PFKL: variants seen among roughly 807,000 people sequenced by gnomAD.
PFKL encodes ATP-dependent 6-phosphofructokinase, liver type.
A neutral mutation model predicts 92.1 loss-of-function variants in PFKL; 74 were observed. The observed-to-expected ratio is 0.80, with a 90% CI of 0.67 to 0.97. The LOEUF is 0.97. Ranked by LOEUF, PFKL falls within the 50% of genes least tolerant of loss-of-function variation. PFKL has a pLI of 0.00. For synonymous variants in PFKL, 494 were observed against 456.4 expected, an observed-to-expected ratio of 1.08 and a Z score of -1.05; for missense variants, 1,028 against 1,116.6, an observed-to-expected ratio of 0.92 and a Z score of 1.13.
intron 11 of PFKL, 28 bp from the exon 12 acceptor site, chr21:44,320,056 T>C (rs1470354866): frequency 1.2e-6 from 2 of 1,607,602 alleles, no homozygotes; most frequent in Admixed American, 3.3e-5. Flanking sequence ...TGCAGGGCTG[T>C]GCATGGTGTG....
chr21:44,324,630 A>G lies in PFKL; in HGVS notation c.1790A>G (p.Asp597Gly). 1 of 1,602,408 alleles carries G rather than the reference A, an allele frequency of 6.2e-7. No homozygotes were observed. Among genetic ancestry groups the G allele is most frequent in the Non-Finnish European group, 8.5e-7 (1 of 1,173,776 alleles). ...VGADAAYVFE[D>G]PFNIHDLKVN... is the part of the protein sequence containing the mutation. ...GCCGACGCCGCCTACGTCTTCGAGG[A>G]CCCTTTCAACATCCACGACTTAAAG... is the stretch of plus-strand genomic sequence containing the variant. The change falls in exon 17 of 22, where the codon GAC becomes GGC. Residue 597 changes from aspartate (D) to glycine (G), a missense_variant. By Grantham distance (94) the Asp-to-Gly change is moderately conservative. Transcript: ENST00000349048.
chr21:44,321,935 A>G (rs2146009750), intron 13 of PFKL, 60 bp downstream of exon 13: 1 of 1,508,890 alleles, frequency 6.6e-7, no homozygotes. Flanking sequence ...CACTTGGGGC[A>G]TTTCCTGTGG....
chr21:44,306,860 C>T (rs73231246), intron 2 of PFKL, 106 bp downstream of exon 2: 79,690 of 970,680 alleles, frequency 0.082, 3,491 homozygotes, highest in African/African-American at 0.12. Context: ...TGGTCCTGGC[C>T]TGGAGGAGCT....
rs1488093112 is a variant in PFKL at position 44,324,557 on chromosome 21, G to A, written c.1717G>A (p.Gly573Arg). Residue 573 changes from glycine (G) to arginine (R), a missense_variant, in exon 17 of 22, where the codon GGG (glycine) becomes AGG (arginine). Coordinates refer to ENST00000349048, the MANE Select transcript of PFKL (RefSeq NM_002626.6). ...CCGTGTGTTCATCGTGGAGACCATGGGGGGTTACTGTGGCTACCTGGCCAC... is the reference window on the plus strand; with the variant it reads ...CCGTGTGTTCATCGTGGAGACCATGAGGGGTTACTGTGGCTACCTGGCCAC... The part of the protein sequence containing the change: ...KRRVFIVETM[G>R]GYCGYLATVT... The A allele has an allele frequency of 1.2e-6, 2 of 1,613,364 alleles. No individual in the cohort carries two copies. Among genetic ancestry groups the A allele is most frequent in the Non-Finnish European group, 1.7e-6 (2 of 1,179,912 alleles).
At chr21:44,305,381 A>G in intron 1 of PFKL, 1 of 1,360,644 alleles carries the variant, frequency 7.3e-7, no homozygotes, top group Non-Finnish European at 9.8e-7. Context: ...TCCATGTTCA[A>G]GGGAGCTGCC....
chr21:44,307,468 T>C (rs980206165), intron 2 of PFKL: 1 of 216,138 alleles, frequency 4.6e-6, no homozygotes, highest in Admixed American at 6.5e-5. Flanking sequence ...GGTCTTTTGT[T>C]ATTTTGTTGC....
rs557670838 is a variant in PFKL, at chr21:44,309,917, G to A, written c.160-1089G>A. Among the ~76,000 whole-genome samples, 5 of 152,342 alleles carry A rather than the reference G, an allele frequency of 3.3e-5. No individual in the cohort carries two copies. The East Asian group carries it at 9.7e-4, about 29-fold the overall frequency. ...CCATGGCCAGAGTGGGGATGTTCAT[G>A]CGCCCCGCAGCGCGCACTATCCCTT... On this transcript the variant is annotated intron_variant, in intron 2 of 21. Coordinates refer to ENST00000349048, the MANE Select transcript of PFKL (RefSeq NM_002626.6).
rs2047126773 is a variant in PFKL, at chr21:44,313,916, C to T, written c.642C>T (p.Tyr214=). ...AGGCAGGCGCTCGCTCCTCCAGGTACCTGGCGCTGGTATCTGCACTGGCCT... is the reference window on the plus strand; with the variant it reads ...AGGCAGGCGCTCGCTCCTCCAGGTATCTGGCGCTGGTATCTGCACTGGCCT... The part of the protein sequence containing the change: ...VLEVMGRHCG[Y]LALVSALASG... Residue 214 remains tyrosine (Y), a synonymous_variant, in exon 7 of 22, where the codon TAC becomes TAT. Coordinates refer to ENST00000349048, the MANE Select transcript of PFKL (RefSeq NM_002626.6). 1.3e-6 allele frequency: 2 copies of T among 1,592,186 alleles called. No individual in the cohort carries two copies. Among genetic ancestry groups the T allele is most frequent in the Non-Finnish European group, 1.7e-6 (2 of 1,171,920 alleles).
intron 5 of PFKL, 89 bp downstream of exon 5, chr21:44,313,232 G>A: frequency 7.1e-7 from 1 of 1,417,008 alleles, no homozygotes; most frequent in Non-Finnish European, 9.8e-7. Flanking sequence ...CATCTGCAAG[G>A]GCAGTGGACT....
intron 3 of PFKL, 22 bp downstream of exon 3, chr21:44,311,105 G>A: frequency 6.3e-7 from 1 of 1,599,712 alleles, no homozygotes. Context: ...GAACGCGGAT[G>A]CATGTTGCAC....
In PFKL at chr21:44,300,126, G is replaced by A. The variant is rs2040723643; in HGVS notation, c.21G>A (p.Glu7=). The change falls in exon 1 of 22, where the codon GAG becomes GAA. Residue 7 remains glutamate (E), a synonymous_variant. Transcript: ENST00000349048. MAAVDL[E]KLRASGAGKA... is the part of the protein sequence containing the mutation. ...CCGCCATGGCCGCGGTGGACCTGGA[G>A]AAGCTGCGGGCGTCGGGCGCGGGCA... is the stretch of plus-strand genomic sequence containing the variant. 1.7e-5 allele frequency: 20 copies of A among 1,185,998 alleles called. No individual in the cohort carries two copies. Among genetic ancestry groups the A allele is most frequent in the Non-Finnish European group, 2.0e-5 (19 of 942,134 alleles). 73.5% of individuals were successfully genotyped at this position (1,185,998 alleles called of 1,614,324 possible).
Position 44,327,023 on chromosome 21 carries a change from C to A in PFKL, c.*161C>A. On this transcript the variant is annotated 3_prime_UTR_variant, in exon 22 of 22. Coordinates refer to ENST00000349048, the MANE Select transcript of PFKL (RefSeq NM_002626.6). ...CTCTATCCCTGGCCACCTGCCAGGC[C>A]TCCCTCGGGCTGGTGTCTTGAGACC... 1.5e-6 allele frequency: 1 copy of A among 666,014 alleles called. No individual in the cohort carries two copies. The highest frequency in any genetic ancestry group is 2.6e-6 in the Non-Finnish European group (1 of 390,776). The allele number at this position is 666,014 out of a possible 1,614,324, so 41.3% of individuals were successfully genotyped here. A position where few individuals can be genotyped will look rare whatever the true frequency, so the allele number is the denominator to read the frequency against.
chr21:44,305,347 G>C, intron 1 of PFKL: 1 of 1,366,076 alleles, frequency 7.3e-7, no homozygotes, highest in Non-Finnish European at 9.8e-7. Context: ...CAGGGTAGAG[G>C]TCGAGAGTCC....
intron 10 of PFKL, 80 bp from the exon 11 acceptor site, chr21:44,319,271 C>G: frequency 7.9e-7 from 1 of 1,261,962 alleles, no homozygotes; most frequent in Non-Finnish European, 1.2e-6. Context: ...CTGCCCTCGT[C>G]AGGCCCACCA....
intron 1 of PFKL, among the ~76,000 whole-genome samples, chr21:44,304,617 CA>C (rs1227549010): frequency 2.4e-5 from 3 of 123,912 alleles, no homozygotes; most frequent in African/African-American, 3.4e-5. Context: ...CTTGGACGCC[CA>C]GCCTCAGGCA....
At chr21:44,305,374 A>G in intron 1 of PFKL, 1 of 1,359,604 alleles carries the variant, frequency 7.4e-7, no homozygotes, top group African/African-American at 1.5e-5. Flanking sequence ...GGGGGTCTCC[A>G]TGTTCAAGGG....
At chr21:44,312,873 C>A in intron 4 of PFKL, 105 bp from the exon 5 acceptor site, 1 of 1,275,700 alleles carries the variant, frequency 7.8e-7, no homozygotes, top group Non-Finnish European at 1.1e-6. Context: ...CCCTGCCGGG[C>A]TGCACGCCTG....
At chr21:44,322,339 A>G in intron 14 of PFKL, 136 bp downstream of exon 14, 2 of 792,756 alleles carry the variant, frequency 2.5e-6, no homozygotes, top group Non-Finnish European at 1.9e-6. Context: ...GTCTGCCCAG[A>G]GCAGGCTTCA....
At position 44,312,125 on chromosome 21, in the gene PFKL, C is replaced by G. The variant is rs140593126; in HGVS notation, c.258C>G (p.Ser86Arg). Residue 86 changes from serine to arginine, a missense_variant, in exon 4 of 22, where the codon AGC becomes AGG. Physicochemically the swap from Ser to Arg is moderately radical, Grantham distance 110 (BLOSUM62 -1). Transcript: ENST00000349048. ...TGCAGGGCGGCACTATCATTGGCAGCGCTCGCTGCAAGGCCTTTACCACCA... is the reference window on the plus strand; with the variant it reads ...TGCAGGGCGGCACTATCATTGGCAGGGCTCGCTGCAAGGCCTTTACCACCA... ...IIQLGGTIIG[S>R]ARCKAFTTRE... The G allele has an allele frequency of 2.6e-6, 4 of 1,564,554 alleles. No homozygotes were observed. The South Asian group carries it at 4.7e-5, about 18-fold the overall frequency.
Sources: gnomAD v4.1 joint callset for allele counts (sites outside exome capture counted in the v4.1 genomes callset) on GRCh38, gnomAD v4.1.1 for gene constraint, MANE v1.5 for transcripts, NCBI Gene and HGNC (gene_info 2026-07-23, HGNC 2026-07-21) for gene names.